Variants in VIPR2 observed in about 807,000 individuals in gnomAD.
VIPR2 encodes vasoactive intestinal peptide receptor 2, also known as vasoactive intestinal polypeptide receptor 2.
In VIPR2, 48 loss-of-function variants were observed where a neutral mutation model predicts 58.0. The observed-to-expected ratio is 0.83, with a 90% CI of 0.66 to 1.05. The LOEUF is 1.05. Ranked by LOEUF, VIPR2 falls within the 50% of genes least tolerant of loss-of-function variation. The pLI, the probability that VIPR2 is intolerant of heterozygous loss-of-function variation, is 0.00. For missense variants in VIPR2, 534 were observed against 558.0 expected, an observed-to-expected ratio of 0.96 and a Z score of 0.43; for synonymous variants, 243 against 235.2, an observed-to-expected ratio of 1.03 and a Z score of -0.30.
At position 159,086,247 on chromosome 7, in the gene VIPR2, G is replaced by A. The variant is rs79261340; in HGVS notation, c.357+17510C>T. Among the ~76,000 whole-genome samples the A allele has an allele frequency of 4.7e-3, 710 of 152,338 alleles. 1 individual carries two copies. Among genetic ancestry groups the A allele is most frequent in the Non-Finnish European group, 8.6e-3 (584 of 68,038 alleles). ...CCTGGGGTGGTTCCATCTTAAGAAT[G>A]TGTCTTCCAGTGAGAACTGTTTTTC... On this transcript the variant is annotated intron_variant, in intron 4 of 12. Transcript: ENST00000262178.
Position 159,109,902 on chromosome 7 carries a change from C to T in VIPR2, c.169G>A (p.Asp57Asn). The change falls in exon 3 of 13, where the codon GAC becomes AAC. Residue 57 changes from aspartate (D) to asparagine (N), a missense_variant. By Grantham distance (23) the Asp-to-Asn change is conservative. This residue lies in a region of VIPR2 where 224 missense variants were observed against 255.7 expected (regional missense o/e 0.88). Transcript: ENST00000262178. ...EKHKACSGVW[D>N]NITCWRPANV... ...GCAGGCCGCCAGCACGTGATGTTGT[C>T]CCAGACGCCACTGCAGGCTGGAAGG... 1 of 1,613,816 alleles carries T rather than the reference C, an allele frequency of 6.2e-7. No individual in the cohort carries two copies. Among genetic ancestry groups the T allele is most frequent in the Non-Finnish European group, 8.5e-7 (1 of 1,180,040 alleles).
intron 2 of VIPR2, among the ~76,000 whole-genome samples, chr7:159,125,281 G>A (rs970018508): frequency 7.9e-5 from 12 of 152,216 alleles, no homozygotes; most frequent in African/African-American, 2.9e-4. Context: ...ACCAGACAAA[G>A]TGACCCCTAC....
intron 5 of VIPR2, among the ~76,000 whole-genome samples, chr7:159,052,428 CA>C (rs1032013432): frequency 1.3e-5 from 2 of 151,716 alleles, no homozygotes; most frequent in Non-Finnish European, 2.9e-5. Context: ...AACCTGCTCA[CA>C]AAAAAAACTC....
intron 5 of VIPR2, among the ~76,000 whole-genome samples, chr7:159,045,581 T>A (rs1458684846): frequency 1.3e-5 from 2 of 152,200 alleles, no homozygotes; most frequent in Non-Finnish European, 2.9e-5. Flanking sequence ...TTACTCAGAA[T>A]GAATCAATGA....
intron 5 of VIPR2, among the ~76,000 whole-genome samples, chr7:159,058,244 T>C (rs954515578): frequency 2.0e-5 from 3 of 152,230 alleles, no homozygotes; most frequent in Non-Finnish European, 2.9e-5. Context: ...AAGTATTTAA[T>C]AAATGATAGC....
At chr7:159,043,958 A>G (rs573839745) in intron 5 of VIPR2, among the ~76,000 whole-genome samples, 1 of 152,324 alleles carries the variant, frequency 6.6e-6, no homozygotes, top group East Asian at 1.9e-4. Context: ...CTCTCACATG[A>G]AGTGGGGAAC....
At position 159,104,542 on chromosome 7, in the gene VIPR2, A is replaced by T. The variant is rs1220089009; in HGVS notation, c.260-688T>A. On this transcript the variant is annotated intron_variant, in intron 3 of 12. Transcript: ENST00000262178. ...TCCTGGCAGCACCCTCCCTCCTCCC[A>T]GCAATGCCCTCCCTCCTCCCAGCCA... 6.9e-5 allele frequency among the ~76,000 whole-genome samples: 7 copies of T among 101,546 alleles called. No homozygotes were observed. The Admixed American group carries it at 7.1e-4, about 10-fold the overall frequency. The allele number at this position is 101,546 out of a possible 152,430, so 66.6% of individuals were successfully genotyped here.
intron 2 of VIPR2, among the ~76,000 whole-genome samples, chr7:159,139,605 G>C (rs771427556): frequency 6.6e-6 from 1 of 152,206 alleles, no homozygotes; most frequent in Non-Finnish European, 1.5e-5. Flanking sequence ...AGAAAAGTTA[G>C]TTTTTAAGCC....
Position 159,096,796 on chromosome 7 carries a change from C to A in VIPR2, c.357+6961G>T. The A allele has an allele frequency of 7.0e-7, 1 of 1,429,190 alleles. No homozygotes were observed. The highest frequency in any genetic ancestry group is 1.5e-5 in the South Asian group (1 of 64,936). 88.5% of individuals were successfully genotyped at this position (1,429,190 alleles called of 1,614,324 possible). A position where few individuals can be genotyped will look rare whatever the true frequency, so the allele number is the denominator to read the frequency against. ...CCTGCCTGAGGTCAGTCTCGTGGCCCCCGCAGCAGCCACAGGCCCAGCTCT... is the reference window on the plus strand; with the variant it reads ...CCTGCCTGAGGTCAGTCTCGTGGCCACCGCAGCAGCCACAGGCCCAGCTCT... On this transcript the variant is annotated intron_variant, in intron 4 of 12. Coordinates refer to ENST00000262178, the MANE Select transcript of VIPR2 (RefSeq NM_003382.5). The surrounding 1 kb of genome is among the most constrained non-coding windows in gnomAD (Gnocchi z 5.5).
At position 159,142,449 on chromosome 7, in the gene VIPR2, T is replaced by C; in HGVS notation, c.148A>G (p.Lys50Glu). 2 of 1,613,446 alleles carry C rather than the reference T, an allele frequency of 1.2e-6. No individual in the cohort carries two copies. The highest frequency in any genetic ancestry group is 1.7e-6 in the Non-Finnish European group (2 of 1,179,476). The change falls in exon 2 of 13, where the codon AAA becomes GAA. Residue 50 changes from lysine (K) to glutamate (E), a missense_variant. Physicochemically the swap from Lys to Glu is moderately conservative, Grantham distance 56. Around this residue, in one of 3 missense-constraint regions of VIPR2, gnomAD observed 224 missense variants for 255.7 expected, o/e 0.88. Transcript: ENST00000262178. ...ACTCACCAAGCCTCTGCCTTACCTT[T>C]GTGTTTTTCTGTTTGAGACCTCAGA... ...ELLRSQTEKH[K>E]ACSGVWDNIT...
chr7:159,036,333 C>A (rs1028105445), intron 7 of VIPR2, among the ~76,000 whole-genome samples: 1 of 152,150 alleles, frequency 6.6e-6, no homozygotes, highest in East Asian at 1.9e-4. Context: ...ACGGAGCTAT[C>A]GGCTACGTTT....
intron 4 of VIPR2, among the ~76,000 whole-genome samples, chr7:159,103,510 A>G (rs1858427583): frequency 6.6e-6 from 1 of 152,206 alleles, no homozygotes; most frequent in Non-Finnish European, 1.5e-5. Context: ...TCCCAGACAC[A>G]TACACAGCAG....
At position 159,067,054 on chromosome 7, in the gene VIPR2, G is replaced by A. The variant is rs971394855; in HGVS notation, c.358-8476C>T. On this transcript the variant is annotated intron_variant, in intron 4 of 12. Transcript: ENST00000262178. ...AATTAAACTTACGTAAAATTGACACGCCAGTGACTCAGTTGCACCAGCCAT... is the reference window on the plus strand; with the variant it reads ...AATTAAACTTACGTAAAATTGACACACCAGTGACTCAGTTGCACCAGCCAT... Among the ~76,000 whole-genome samples the A allele has an allele frequency of 3.3e-5, 5 of 152,116 alleles. No homozygotes were observed. In the South Asian group the frequency reaches 8.3e-4, roughly 25 times the overall value.
rs562862213 is a variant in VIPR2, at chr7:159,072,950, C to T, written c.358-14372G>A. 1.2e-4 allele frequency among the ~76,000 whole-genome samples: 18 copies of T among 152,232 alleles called. No individual in the cohort carries two copies. The South Asian group carries it at 3.7e-3, about 32-fold the overall frequency. Reference sequence around the variant, plus strand: ...ATTTCCAGAACAGATTTAAGGAAAACCTAAAAACACCAATAACCAGAAGAG... The same window carrying T: ...ATTTCCAGAACAGATTTAAGGAAAATCTAAAAACACCAATAACCAGAAGAG... On this transcript the variant is annotated intron_variant, in intron 4 of 12. Coordinates refer to ENST00000262178, the MANE Select transcript of VIPR2 (RefSeq NM_003382.5).
chr7:159,074,507 G>A (rs1401840446), intron 4 of VIPR2, among the ~76,000 whole-genome samples: 1 of 152,216 alleles, frequency 6.6e-6, no homozygotes, highest in Admixed American at 6.5e-5. Context: ...ATCGTGAGAG[G>A]AAATGTGGCC....
At chr7:159,133,593 C>T (rs556022692) in intron 2 of VIPR2, among the ~76,000 whole-genome samples, 52 of 152,350 alleles carry the variant, frequency 3.4e-4, no homozygotes, top group African/African-American at 1.2e-3. Context: ...TTTATATTAT[C>T]GTTCCTGGCA....
At chr7:159,081,349 CA>C (rs1241606548) in intron 4 of VIPR2, among the ~76,000 whole-genome samples, 3 of 152,136 alleles carry the variant, frequency 2.0e-5, no homozygotes, top group Non-Finnish European at 4.4e-5. Flanking sequence ...ACAAACCTGA[CA>C]AAAACAAGCA....
At chr7:159,034,753 C>T (rs753735359) in intron 8 of VIPR2, 103 bp from the exon 9 acceptor site, 13 of 863,024 alleles carry the variant, frequency 1.5e-5, no homozygotes, top group Admixed American at 9.3e-5. Flanking sequence ...CTCCCCTCAC[C>T]GTGGAAGCAC....
chr7:159,073,931 G>A (rs1275830712), intron 4 of VIPR2, among the ~76,000 whole-genome samples: 1 of 152,102 alleles, frequency 6.6e-6, no homozygotes, highest in Non-Finnish European at 1.5e-5. Context: ...AGACAACTGT[G>A]CACACAATTC....
Sources: gnomAD v4.1 joint callset for allele counts (sites outside exome capture counted in the v4.1 genomes callset) on GRCh38, gnomAD v4.1.1 for gene constraint, gnomAD v4.1.1 regional missense constraint, Gnocchi (gnomAD v3.1) non-coding constraint, MANE v1.5 for transcripts, NCBI Gene and HGNC (gene_info 2026-07-23, HGNC 2026-07-21) for gene names.